Variants in DAB1 observed in about 807,000 individuals in gnomAD.
DAB1 encodes the protein disabled homolog 1.
DAB1 carries 15 observed loss-of-function variants against 64.6 expected under a neutral mutation model. That is an observed-to-expected ratio of 0.23 (90% CI 0.16 to 0.36). DAB1 has a LOEUF of 0.36. DAB1 is among the 10% of genes least tolerant of loss of function. DAB1 has a pLI of 1.00. For missense variants in DAB1, 596 were observed against 706.7 expected (o/e 0.84, Z 1.78); for synonymous variants, 235 against 251.9 (o/e 0.93, Z 0.64).
At chr1:57,342,733 T>C (rs1159770960) in intron 1 of DAB1, among the ~76,000 whole-genome samples, 2 of 152,180 alleles carry the variant, frequency 1.3e-5, no homozygotes, top group African/African-American at 2.4e-5. Flanking sequence ...TTCCTTATGG[T>C]GGGTTCGTGG....
At chr1:58,439,245 A>C (rs987349614) in intron 3 of DAB1, among the ~76,000 whole-genome samples, 6 of 151,696 alleles carry the variant, frequency 4.0e-5, no homozygotes, top group African/African-American at 1.5e-4. Context: ...ATCCCACATA[A>C]CTCACTTCAA....
chr1:57,571,170 C>T (rs757510469), intron 7 of DAB1, among the ~76,000 whole-genome samples: 3 of 152,168 alleles, frequency 2.0e-5, no homozygotes, highest in Non-Finnish European at 4.4e-5. Flanking sequence ...TTGACTTCCT[C>T]TTTACTGATT....
intron 3 of DAB1, among the ~76,000 whole-genome samples, chr1:58,347,255 G>A (rs1013620626): frequency 2.0e-5 from 3 of 152,154 alleles, no homozygotes; most frequent in Non-Finnish European, 2.9e-5. Flanking sequence ...TTACAGGCAT[G>A]TGCCACCATG....
chr1:57,527,060 C>T (rs1357531430), intron 7 of DAB1, among the ~76,000 whole-genome samples: 2 of 152,132 alleles, frequency 1.3e-5, no homozygotes, highest in Non-Finnish European at 2.9e-5. Flanking sequence ...AGAGTTCTCT[C>T]TCCTGTGTTC....
intron 4 of DAB1, among the ~76,000 whole-genome samples, chr1:58,305,111 A>G (rs938251505): frequency 1.3e-5 from 2 of 152,048 alleles, no homozygotes; most frequent in Admixed American, 1.3e-4. Context: ...GGTGCAATTC[A>G]CAGGCTATTC....
chr1:58,127,322 C>T (rs796131097), intron 5 of DAB1, among the ~76,000 whole-genome samples: 2,010 of 151,112 alleles, frequency 0.013, 52 homozygotes, highest in South Asian at 0.081. Flanking sequence ...TTTTTTCCTG[C>T]AAATTTGTTT....
chr1:57,013,640 C>G (rs1646333559), intron 12 of DAB1, among the ~76,000 whole-genome samples: 1 of 151,832 alleles, frequency 6.6e-6, no homozygotes, highest in African/African-American at 2.4e-5. Flanking sequence ...TTTGACAGTT[C>G]ACAGTATTGG....
At chr1:58,157,654 G>A (rs1471634339) in intron 4 of DAB1, among the ~76,000 whole-genome samples, 6 of 152,106 alleles carry the variant, frequency 3.9e-5, no homozygotes, top group Non-Finnish European at 8.8e-5. Flanking sequence ...GGCAGTGATC[G>A]ATTCAGAGCT....
At chr1:57,343,833 G>A (rs1030329304) in intron 1 of DAB1, among the ~76,000 whole-genome samples, 1 of 152,230 alleles carries the variant, frequency 6.6e-6, no homozygotes, top group African/African-American at 2.4e-5. Flanking sequence ...TCTGGCCTTG[G>A]CCAGCCCAGA....
chr1:58,256,164 C>A (rs1660923954), intron 4 of DAB1, among the ~76,000 whole-genome samples: 1 of 152,170 alleles, frequency 6.6e-6, no homozygotes, highest in African/African-American at 2.4e-5. Context: ...TCTCCCTCTC[C>A]AGTGCAAGTT....
chr1:58,174,919 C>G (rs923841688), intron 4 of DAB1, among the ~76,000 whole-genome samples: 1 of 152,070 alleles, frequency 6.6e-6, no homozygotes, highest in Non-Finnish European at 1.5e-5. Flanking sequence ...TGTACAAATG[C>G]ACCAATCAGC....
intron 3 of DAB1, among the ~76,000 whole-genome samples, chr1:58,424,096 G>C (rs561409603): frequency 4.6e-5 from 7 of 152,166 alleles, no homozygotes; most frequent in Admixed American, 1.3e-4. Flanking sequence ...AGAGGTGAAG[G>C]GGGAGGGAGA....
At chr1:57,807,771 C>G (rs998606963) in intron 6 of DAB1, among the ~76,000 whole-genome samples, 8 of 152,046 alleles carry the variant, frequency 5.3e-5, no homozygotes. Flanking sequence ...CTCAAACACC[C>G]CTGAGACAGC....
chr1:57,827,189 C>T (rs900656979), intron 1 of DAB1, among the ~76,000 whole-genome samples: 3 of 152,142 alleles, frequency 2.0e-5, no homozygotes, highest in African/African-American at 4.8e-5. Flanking sequence ...AACATTTATG[C>T]CTGTTTCCCC....
At chr1:57,537,238 G>T (rs113529954) in intron 7 of DAB1, among the ~76,000 whole-genome samples, 1 of 152,128 alleles carries the variant, frequency 6.6e-6, no homozygotes, top group Non-Finnish European at 1.5e-5. Context: ...TAGTAGACTG[G>T]TTCCCAAACC....
At chr1:57,161,895 T>G (rs1660795101) in intron 2 of DAB1, among the ~76,000 whole-genome samples, 1 of 152,180 alleles carries the variant, frequency 6.6e-6, no homozygotes, top group Non-Finnish European at 1.5e-5. Flanking sequence ...GTCTTGCTTT[T>G]TTCATCTGGC....
intron 5 of DAB1, among the ~76,000 whole-genome samples, chr1:57,969,913 C>A (rs1300200278): frequency 6.6e-6 from 1 of 152,030 alleles, no homozygotes; most frequent in Non-Finnish European, 1.5e-5. Flanking sequence ...TCCTAATCCA[C>A]AATGTAATGG....
chr1:57,893,728 T>G (rs1455231226), intron 5 of DAB1, among the ~76,000 whole-genome samples: 1 of 152,144 alleles, frequency 6.6e-6, no homozygotes, highest in African/African-American at 2.4e-5. Context: ...ACCAGGAATG[T>G]CAGGCAACCA....
At chr1:58,127,244 G>A (rs1380335362) in intron 5 of DAB1, among the ~76,000 whole-genome samples, 2 of 152,190 alleles carry the variant, frequency 1.3e-5, no homozygotes, top group Non-Finnish European at 2.9e-5. Context: ...TTTCTTGGCT[G>A]CATAAATGTC....
Sources: gnomAD v4.1 joint callset for allele counts (sites outside exome capture counted in the v4.1 genomes callset) on GRCh38, gnomAD v4.1.1 for gene constraint, MANE v1.5 for transcripts, NCBI Gene and HGNC (gene_info 2026-07-23, HGNC 2026-07-21) for gene names.